Variants in ANXA3 observed in about 807,000 individuals in gnomAD.
ANXA3 encodes annexin A3.
A neutral mutation model predicts 48.8 loss-of-function variants in ANXA3; 46 were observed. The observed-to-expected ratio is 0.94, with a 90% confidence interval of 0.74 to 1.21. The LOEUF (loss-of-function observed/expected upper bound fraction) is 1.21, where lower values mean the gene tolerates loss of function less well. ANXA3 is among the 50% of genes most tolerant of loss of function. The probability of loss-of-function intolerance (pLI) is 0.00; values close to 1 mark genes in which losing one functional copy is unlikely to be tolerated. For missense variants in ANXA3, 383 were observed against 378.6 expected (o/e 1.01, Z -0.10); for synonymous variants, 128 against 134.7 (o/e 0.95, Z 0.35).
chr4:78,584,978 C>T (rs975067489), intron 5 of ANXA3, among the ~76,000 whole-genome samples: 1 of 152,146 alleles, frequency 6.6e-6, no homozygotes, highest in Non-Finnish European at 1.5e-5. Context: ...GCAAAGACTG[C>T]CCTTTGGAGG....
intron 2 of ANXA3, among the ~76,000 whole-genome samples, chr4:78,560,499 A>C (rs1331450860): frequency 1.3e-5 from 2 of 152,206 alleles, no homozygotes; most frequent in Non-Finnish European, 2.9e-5. Context: ...TCCCTGTGGC[A>C]TCAGGGCACC....
In ANXA3 at chr4:78,597,416, TAAG is replaced by T; in HGVS notation, c.730+4_730+6del. The T allele has an allele frequency of 6.3e-7, 1 of 1,587,470 alleles. No homozygotes were observed. Among genetic ancestry groups the T allele is most frequent in the Non-Finnish European group, 8.6e-7 (1 of 1,159,056 alleles). Reference sequence around the variant, plus strand: ...TTGAAGACTTACTGTTGGCCATAGGTAAGACTTCGAGTGCTGGTAAACTAAGTT... The same window carrying T: ...TTGAAGACTTACTGTTGGCCATAGGTACTTCGAGTGCTGGTAAACTAAGTT... On this transcript the variant is annotated splice_donor_5th_base_variant and intron_variant, in intron 10 of 12. Coordinates refer to ENST00000264908, the MANE Select transcript of ANXA3 (RefSeq NM_005139.3).
chr4:78,609,224 C>T (rs1260575232), intron 12 of ANXA3, among the ~76,000 whole-genome samples: 1 of 152,222 alleles, frequency 6.6e-6, no homozygotes, highest in Middle Eastern at 3.4e-3. Context: ...TAATATTCAC[C>T]CCAGTAACAG....
chr4:78,607,797 G>C (rs1430045053), intron 12 of ANXA3, among the ~76,000 whole-genome samples: 1 of 152,148 alleles, frequency 6.6e-6, no homozygotes, highest in African/African-American at 2.4e-5. Context: ...AATGGGTCTT[G>C]AGCCTGCCTT....
intron 11 of ANXA3, chr4:78,602,048 C>T (rs1010551265): frequency 1.0e-4 from 16 of 152,524 alleles, no homozygotes; most frequent in African/African-American, 3.1e-4. Flanking sequence ...CAAGACCAGC[C>T]TGGCCAGACG....
At chr4:78,591,014 G>C (rs1008278152) in intron 6 of ANXA3, among the ~76,000 whole-genome samples, 1 of 152,180 alleles carries the variant, frequency 6.6e-6, no homozygotes, top group African/African-American at 2.4e-5. Context: ...CAGTTCACAT[G>C]TAAGGCAGTT....
chr4:78,592,375 C>T (rs1290872854), intron 7 of ANXA3, among the ~76,000 whole-genome samples: 5 of 152,200 alleles, frequency 3.3e-5, no homozygotes, highest in Admixed American at 3.3e-4. Context: ...GTTGAAACAG[C>T]ACCTGTCAAA....
chr4:78,561,443 C>A (rs1302116544), intron 2 of ANXA3, among the ~76,000 whole-genome samples: 1 of 152,086 alleles, frequency 6.6e-6, no homozygotes, highest in Non-Finnish European at 1.5e-5. Flanking sequence ...AAGACACCAG[C>A]CCTGGGCATT....
chr4:78,560,110 T>C (rs959987110), intron 2 of ANXA3, among the ~76,000 whole-genome samples: 5 of 152,168 alleles, frequency 3.3e-5, no homozygotes, highest in East Asian at 1.9e-4. Context: ...ACTCTTGTTT[T>C]CAATATTTTA....
chr4:78,573,192 G>T lies in ANXA3; in HGVS notation c.28G>T (p.Gly10Ter), dbSNP rs765353137. The change falls in exon 3 of 13, where the codon GGA (glycine) becomes TGA (stop). Residue 10 changes from glycine (G) to a stop codon, truncating the protein, a stop_gained. Coordinates refer to ENST00000264908, the MANE Select transcript of ANXA3 (RefSeq NM_005139.3). LOFTEE classifies it high-confidence loss of function. ...TATTTCCTTCTAGGTTGGACACCGA[G>T]GAACAGTAAGAGATTATCCAGACTT... is the stretch of plus-strand genomic sequence containing the variant. MASIWVGHR[G>*]TVRDYPDFSP... is the part of the protein sequence containing the mutation. 5.0e-6 allele frequency: 8 copies of T among 1,612,620 alleles called. No homozygotes were observed. In the Admixed American group the frequency reaches 1.3e-4, roughly 27 times the overall value.
Position 78,582,168 on chromosome 4 carries a change from TGA to T in ANXA3, c.199-8_199-7del. The stretch of plus-strand genomic sequence containing the variant: ...TTTCACATTTTTCCCCTTGGTTTTT[TGA>T]TTTTAGGAGCTGAAAGATGACTTGA... On this transcript the variant is annotated splice_region_variant and splice_polypyrimidine_tract_variant and intron_variant, in intron 4 of 12. Transcript: ENST00000264908. 6.3e-7 allele frequency: 1 copy of T among 1,585,842 alleles called. No homozygotes were observed. The highest frequency in any genetic ancestry group is 1.7e-5 in the Admixed American group (1 of 57,370).
chr4:78,604,563 T>G (rs1395346797), intron 12 of ANXA3, among the ~76,000 whole-genome samples, 164 bp downstream of exon 12: 1 of 152,208 alleles, frequency 6.6e-6, no homozygotes, highest in Non-Finnish European at 1.5e-5. Context: ...AAAATATCCC[T>G]TATTTTCAGC....
intron 2 of ANXA3, 132 bp downstream of exon 2, chr4:78,554,620 C>G: frequency 1.4e-6 from 1 of 699,474 alleles, no homozygotes; most frequent in Non-Finnish European, 2.5e-6. Context: ...GCTAGAAAAG[C>G]CAGAGGATGT....
At chr4:78,561,499 C>G (rs1256279609) in intron 2 of ANXA3, among the ~76,000 whole-genome samples, 1 of 152,114 alleles carries the variant, frequency 6.6e-6, no homozygotes, top group African/African-American at 2.4e-5. Flanking sequence ...AGTGTCCTGT[C>G]CAGTTTCATA....
chr4:78,594,439 A>G (rs1366942925), intron 7 of ANXA3, among the ~76,000 whole-genome samples: 1 of 152,228 alleles, frequency 6.6e-6, no homozygotes, highest in Non-Finnish European at 1.5e-5. Context: ...AGAGATATTT[A>G]GCTTTATTAA....
At chr4:78,598,749 G>A (rs561778000) in intron 10 of ANXA3, among the ~76,000 whole-genome samples, 9 of 151,824 alleles carry the variant, frequency 5.9e-5, no homozygotes, top group Admixed American at 2.6e-4. Context: ...CATGTTGGCC[G>A]GGGTGGTCTC....
chr4:78,579,591 C>G (rs1723032932), intron 4 of ANXA3, among the ~76,000 whole-genome samples: 1 of 152,212 alleles, frequency 6.6e-6, no homozygotes, highest in Non-Finnish European at 1.5e-5. Flanking sequence ...TTTTATTTCT[C>G]TTTTAATTTT....
chr4:78,603,423 CA>C (rs1200990474), intron 11 of ANXA3: 1 of 152,162 alleles, frequency 6.6e-6, no homozygotes, highest in African/African-American at 2.4e-5. Flanking sequence ...TATGTTTTGT[CA>C]ATCCATTTAC....
intron 5 of ANXA3, among the ~76,000 whole-genome samples, chr4:78,585,410 A>G (rs1336836031): frequency 1.3e-5 from 2 of 152,180 alleles, no homozygotes; most frequent in Non-Finnish European, 2.9e-5. Flanking sequence ...AGGCAACTCA[A>G]AAGAGTAAAG....
Sources: gnomAD v4.1 joint callset for allele counts (sites outside exome capture counted in the v4.1 genomes callset) on GRCh38, gnomAD v4.1.1 for gene constraint, MANE v1.5 for transcripts, NCBI Gene and HGNC (gene_info 2026-07-23, HGNC 2026-07-21) for gene names.